The following IL6ST variants were observed in gnomAD, a reference collection of about 807,000 sequenced individuals.
IL6ST encodes the protein interleukin-6 receptor subunit beta.
In IL6ST, 24 loss-of-function variants were observed where a neutral mutation model predicts 91.3. The ratio of observed to expected loss-of-function variants is 0.26; its 90% CI spans 0.19 to 0.37. The LOEUF (loss-of-function observed/expected upper bound fraction) is 0.37. IL6ST is among the 10% of genes least tolerant of loss of function. IL6ST has a pLI of 1.00. For missense variants in IL6ST, 914 were observed against 1,078.5 expected, an observed-to-expected ratio of 0.85 and a Z score of 2.14; for synonymous variants, 351 against 373.6, an observed-to-expected ratio of 0.94 and a Z score of 0.70.
chr5:55,949,363 T>C (rs913999930), intron 14 of IL6ST, among the ~76,000 whole-genome samples: 15 of 152,042 alleles, frequency 9.9e-5, no homozygotes, highest in Admixed American at 3.9e-4. Context: ...CAGTCTTAGT[T>C]ACTTGGGAGG....
rs369282856 is a variant in IL6ST at position 55,983,252 on chromosome 5, T to A, written c.-103-441A>T. On this transcript the variant is annotated intron_variant, in intron 1 of 16. Transcript: ENST00000381298. Reference sequence around the variant, plus strand: ...CTGCCCACCTCAGACTCCCAAAGTGTTGGGATTACAGGCATGAGCCACCGC... The same window carrying A: ...CTGCCCACCTCAGACTCCCAAAGTGATGGGATTACAGGCATGAGCCACCGC... Among the ~76,000 whole-genome samples the A allele has an allele frequency of 2.6e-5, 4 of 152,236 alleles. No individual in the cohort carries two copies. In the East Asian group the frequency reaches 7.7e-4, roughly 29 times the overall value.
At chr5:55,977,757 CAG>C (rs1285556021) in intron 2 of IL6ST, among the ~76,000 whole-genome samples, 24 of 152,036 alleles carry the variant, frequency 1.6e-4, no homozygotes, top group Non-Finnish European at 3.4e-4. Context: ...ACCCGTGAAA[CAG>C]AGGTTGCAGT....
intron 2 of IL6ST, among the ~76,000 whole-genome samples, chr5:55,977,789 G>C (rs187226804): frequency 1.3e-5 from 2 of 152,124 alleles, no homozygotes; most frequent in Non-Finnish European, 2.9e-5. Flanking sequence ...TCATGCCACT[G>C]GACTCCAGCA....
chr5:55,985,016 G>A (rs907740995), intron 1 of IL6ST, among the ~76,000 whole-genome samples: 4 of 152,184 alleles, frequency 2.6e-5, no homozygotes, highest in African/African-American at 9.7e-5. Context: ...TTGATCAACT[G>A]GGTTTCCTGT....
rs916516653 is a variant in IL6ST, at chr5:55,960,306, C to T, written c.973+96G>A. 3.0e-5 allele frequency: 28 copies of T among 942,392 alleles called. No homozygotes were observed. The African/African-American group carries it at 4.2e-4, about 14-fold the overall frequency. The allele number at this position is 942,392 out of a possible 1,614,324, so 58.4% of individuals were successfully genotyped here. On this transcript the variant is annotated intron_variant, in intron 8 of 16. Coordinates refer to ENST00000381298, the MANE Select transcript of IL6ST (RefSeq NM_002184.4). ...TACTGCAGTTTGAATAAAATGATCA[C>T]AAACTAAGAAGCAATGAGGCTATAT...
intron 8 of IL6ST, among the ~76,000 whole-genome samples, chr5:55,959,358 T>G (rs945844688): frequency 6.6e-6 from 1 of 152,162 alleles, no homozygotes; most frequent in Non-Finnish European, 1.5e-5. Context: ...TCACATGACC[T>G]AAACCTCTAG....
intron 1 of IL6ST, among the ~76,000 whole-genome samples, chr5:55,988,761 C>T (rs1359815174): frequency 2.6e-4 from 32 of 124,292 alleles, no homozygotes; most frequent in African/African-American, 1.0e-3. Context: ...AGCAAAACTC[C>T]ATCTCCAAAA....
At chr5:55,960,664 G>C (rs775371736) in intron 7 of IL6ST, 103 bp from the exon 8 acceptor site, 4 of 1,077,422 alleles carry the variant, frequency 3.7e-6, no homozygotes, top group Non-Finnish European at 5.2e-6. Context: ...GCCTTGCTCT[G>C]TTGCCCAGGT....
At chr5:55,959,752 G>C in intron 8 of IL6ST, 1 of 606,070 alleles carries the variant, frequency 1.6e-6, no homozygotes. Flanking sequence ...TTGCTAGACA[G>C]TGTGGTTTTA....
rs2111576673 is a variant in IL6ST at position 55,940,959 on chromosome 5, T to C, written c.*123A>G. Reference sequence around the variant, plus strand: ...CATGTGAAACTTCAGTTCATTTTTGTCCTTAAGGGCAAATGATCATCTTCA... The same window carrying C: ...CATGTGAAACTTCAGTTCATTTTTGCCCTTAAGGGCAAATGATCATCTTCA... On this transcript the variant is annotated 3_prime_UTR_variant, in exon 17 of 17. Coordinates refer to ENST00000381298, the MANE Select transcript of IL6ST (RefSeq NM_002184.4). The C allele has an allele frequency of 2.1e-6, 2 of 944,466 alleles. No homozygotes were observed. The highest frequency in any genetic ancestry group is 3.2e-6 in the Non-Finnish European group (2 of 628,402). The allele number at this position is 944,466 out of a possible 1,614,324, so 58.5% of individuals were successfully genotyped here.
intron 14 of IL6ST, among the ~76,000 whole-genome samples, chr5:55,948,392 T>C (rs1751410772): frequency 6.6e-6 from 1 of 152,150 alleles, no homozygotes; most frequent in African/African-American, 2.4e-5. Flanking sequence ...AGCCATATAC[T>C]ATTCACTTAA....
At chr5:55,964,624 C>G (rs889801707) in intron 5 of IL6ST, among the ~76,000 whole-genome samples, 2 of 151,924 alleles carry the variant, frequency 1.3e-5, no homozygotes, top group African/African-American at 4.8e-5. Context: ...GCTGTTTTTT[C>G]TTTTTCCTAA....
In IL6ST at chr5:55,945,647, G is replaced by GT. The variant is rs1751197944; in HGVS notation, c.1937+1845_1937+1846insA. ...AACTTCATCAAAATAAAAAACTTAT[G>GT]CTTTTTTTTTTTTTTTTTTTTTTTT... On this transcript the variant is annotated intron_variant, in intron 15 of 16. Transcript: ENST00000381298. Among the ~76,000 whole-genome samples, 25 of 54,194 alleles carry GT rather than the reference G, an allele frequency of 4.6e-4. No homozygotes were observed. The South Asian group carries it at 7.5e-3, about 16-fold the overall frequency. 35.6% of individuals were successfully genotyped at this position (54,194 alleles called of 152,430 possible). A position where few individuals can be genotyped will look rare whatever the true frequency, so the allele number is the denominator to read the frequency against.
intron 8 of IL6ST, among the ~76,000 whole-genome samples, chr5:55,959,404 A>AT (rs1356603719): frequency 1.3e-5 from 2 of 152,096 alleles, no homozygotes; most frequent in Admixed American, 6.6e-5. Flanking sequence ...GTGGTAGGGG[A>AT]TTTTTTCAGC....
Position 55,940,784 on chromosome 5 carries a change from A to C in IL6ST, c.*298T>G, listed in dbSNP as rs564980469. The C allele has an allele frequency of 2.9e-6, 1 of 345,032 alleles. No individual in the cohort carries two copies. Among genetic ancestry groups the C allele is most frequent in the Non-Finnish European group, 5.3e-6 (1 of 189,212 alleles). 21.4% of individuals were successfully genotyped at this position (345,032 alleles called of 1,614,324 possible). On this transcript the variant is annotated 3_prime_UTR_variant, in exon 17 of 17. Transcript: ENST00000381298. The stretch of plus-strand genomic sequence containing the variant: ...CCTTCTGTTTTCTATGTAGCAAAAC[A>C]AAAAGTTTTATAAATTTCAGATAAG...
At position 55,969,595 on chromosome 5, in the gene IL6ST, C is replaced by T. The variant is rs766954013; in HGVS notation, c.325G>A (p.Gly109Arg). Reference protein sequence around the residue: ...IQLTCNILTFGQLEQNVYGIT... With the variant: ...IQLTCNILTFRQLEQNVYGIT... ...CCATAAACATTCTGTTCAAGCTGTC[C>T]GAATGTAAGAATGTTGCAAGTGAGC... The change falls in exon 4 of 17, where the codon GGA becomes AGA. Residue 109 changes from glycine to arginine, a missense_variant. Physicochemically the swap from Gly to Arg is moderately radical, Grantham distance 125 (BLOSUM62 -2). Coordinates refer to ENST00000381298, the MANE Select transcript of IL6ST (RefSeq NM_002184.4). The T allele has an allele frequency of 1.6e-5, 26 of 1,612,838 alleles. No homozygotes were observed. The highest frequency in any genetic ancestry group is 1.3e-4 in the Admixed American group (8 of 59,950).
Position 55,938,830 on chromosome 5 carries a change from T to C in IL6ST, c.*2252A>G, listed in dbSNP as rs1206579970. 4.9e-6 allele frequency: 1 copy of C among 202,142 alleles called. No homozygotes were observed. The highest frequency in any genetic ancestry group is 1.0e-5 in the Non-Finnish European group (1 of 98,264). The allele number at this position is 202,142 out of a possible 1,614,324, so 12.5% of individuals were successfully genotyped here. A position where few individuals can be genotyped will look rare whatever the true frequency, so the allele number is the denominator to read the frequency against. ...CTCAAATATATGTTCATTTCCAGAA[T>C]GAATTTTTGCACAGTAATCATATAT... On this transcript the variant is annotated 3_prime_UTR_variant, in exon 17 of 17. Transcript: ENST00000381298.
intron 5 of IL6ST, among the ~76,000 whole-genome samples, chr5:55,967,998 G>C (rs1752737452): frequency 6.6e-6 from 1 of 151,870 alleles, no homozygotes; most frequent in African/African-American, 2.4e-5. Flanking sequence ...GTTTTGCTCT[G>C]GTTGGCCAGG....
Position 55,940,988 on chromosome 5 carries a change from A to C in IL6ST, c.*94T>G, listed in dbSNP as rs1750867643. ...TAAGGGCAAATGATCATCTTCAGAG[A>C]GTGAAGACTTTTTAAAATCTGAATT... On this transcript the variant is annotated 3_prime_UTR_variant, in exon 17 of 17. Transcript: ENST00000381298. 2 of 1,231,914 alleles carry C rather than the reference A, an allele frequency of 1.6e-6. No homozygotes were observed. Among genetic ancestry groups the C allele is most frequent in the Admixed American group, 4.7e-5 (2 of 42,938 alleles). The allele number at this position is 1,231,914 out of a possible 1,614,324, so 76.3% of individuals were successfully genotyped here.
Sources: gnomAD v4.1 joint callset for allele counts (sites outside exome capture counted in the v4.1 genomes callset) on GRCh38, gnomAD v4.1.1 for gene constraint, MANE v1.5 for transcripts, NCBI Gene and HGNC (gene_info 2026-07-23, HGNC 2026-07-21) for gene names.